PLEKHG1: variants seen among roughly 807,000 people sequenced by gnomAD.
PLEKHG1 encodes pleckstrin homology and RhoGEF domain containing G1, also known as pleckstrin homology domain-containing family G member 1.
A neutral mutation model predicts 100.8 loss-of-function variants in PLEKHG1; 44 were observed. The observed-to-expected ratio is 0.44, with a 90% CI of 0.34 to 0.56. PLEKHG1 has a LOEUF of 0.56. Ranked by LOEUF, PLEKHG1 falls within the 20% of genes least tolerant of loss-of-function variation. The pLI, the probability that PLEKHG1 is intolerant of heterozygous loss-of-function variation, is 0.01. For synonymous variants in PLEKHG1, 640 were observed against 662.5 expected, an observed-to-expected ratio of 0.97 and a Z score of 0.52; for missense variants, 1,545 against 1,720.9, an observed-to-expected ratio of 0.90 and a Z score of 1.81.
intron 3 of PLEKHG1, among the ~76,000 whole-genome samples, chr6:150,772,982 A>C (rs564302931): frequency 1.3e-5 from 2 of 152,180 alleles, no homozygotes; most frequent in Non-Finnish European, 2.9e-5. Context: ...TTTTAACTTT[A>C]ATTATGGTTT....
chr6:150,661,070 G>A (rs756389777), intron 3 of PLEKHG1, among the ~76,000 whole-genome samples: 76 of 152,140 alleles, frequency 5.0e-4, no homozygotes, highest in Admixed American at 2.5e-3. Flanking sequence ...TCCCTCAGCT[G>A]AGGAAAGGTT....
intron 1 of PLEKHG1, among the ~76,000 whole-genome samples, chr6:150,631,820 T>C (rs1474182802): frequency 6.6e-6 from 1 of 152,094 alleles, no homozygotes; most frequent in Non-Finnish European, 1.5e-5. Flanking sequence ...GGATGTGGGC[T>C]AGTGGAGGGC....
intron 3 of PLEKHG1, among the ~76,000 whole-genome samples, chr6:150,678,063 C>CAT (rs201616866): frequency 0.16 from 9,744 of 59,746 alleles, 1,003 homozygotes; most frequent in Non-Finnish European, 0.18. Context: ...TGTTTTGATG[C>CAT]ATATATATAT....
At chr6:150,801,126 C>T (rs1055009917) in intron 6 of PLEKHG1, among the ~76,000 whole-genome samples, 7 of 152,180 alleles carry the variant, frequency 4.6e-5, no homozygotes, top group Non-Finnish European at 8.8e-5. Context: ...TCGCCCTGTG[C>T]ACTGACAGTT....
At chr6:150,809,445 A>G (rs138892411) in exon 9 of PLEKHG1, 16 of 1,613,774 alleles carry the variant, frequency 9.9e-6, no homozygotes, top group African/African-American at 4.0e-5. Context: ...GTCTTCCACT[A>G]CAAGAATCCC....
intron 3 of PLEKHG1, among the ~76,000 whole-genome samples, chr6:150,675,534 T>A (rs1238805298): frequency 2.0e-5 from 3 of 152,242 alleles, no homozygotes; most frequent in African/African-American, 7.2e-5. Context: ...TTTATCCCCT[T>A]CCTAAGATAG....
In PLEKHG1 at chr6:150,831,936, T is replaced by A. The variant is rs1449196266; in HGVS notation, c.2825T>A (p.Leu942His). ...CTTTCTCTGGCTAGTGAAATGCCCC[T>A]CATGGACAATCCCTACGACCTGGCC... Residue 942 changes from leucine (L) to histidine (H), a missense_variant, in exon 15 of 16, where the codon CTC (leucine) becomes CAC (histidine). Leu to His is a moderately conservative substitution (Grantham distance 99, BLOSUM62 -3). Coordinates refer to ENST00000358517, the Ensembl canonical transcript of PLEKHG1. The surrounding 1 kb of genome is among the most constrained non-coding windows in gnomAD (Gnocchi z 4.1). The A allele has an allele frequency of 6.2e-7, 1 of 1,613,848 alleles. No individual in the cohort carries two copies. The highest frequency in any genetic ancestry group is 1.3e-5 in the African/African-American group (1 of 74,914).
At chr6:150,826,904 G>T (rs904562531) in intron 14 of PLEKHG1, among the ~76,000 whole-genome samples, 1 of 152,140 alleles carries the variant, frequency 6.6e-6, no homozygotes, top group Non-Finnish European at 1.5e-5. Flanking sequence ...CTCCCAAAGT[G>T]CTGGGATTAC....
chr6:150,788,913 G>A (rs1785800123), intron 4 of PLEKHG1, among the ~76,000 whole-genome samples: 1 of 152,122 alleles, frequency 6.6e-6, no homozygotes, highest in African/African-American at 2.4e-5. Context: ...GCATGCACAT[G>A]TACCACCCAC....
chr6:150,801,113 G>T (rs939176149), intron 6 of PLEKHG1, among the ~76,000 whole-genome samples: 12 of 152,216 alleles, frequency 7.9e-5, no homozygotes, highest in African/African-American at 2.2e-4. Context: ...GCTTAGGAGT[G>T]CCTCGCCCTG....
chr6:150,603,574 C>T (rs1776459831), intron 1 of PLEKHG1, among the ~76,000 whole-genome samples: 1 of 151,994 alleles, frequency 6.6e-6, no homozygotes, highest in Non-Finnish European at 1.5e-5. Context: ...TTCAGGTATG[C>T]CTGGGTGATT....
chr6:150,809,447 A>G, exon 9 of PLEKHG1: 1 of 1,613,878 alleles, frequency 6.2e-7, no homozygotes, highest in Non-Finnish European at 8.5e-7. Flanking sequence ...CTTCCACTAC[A>G]AGAATCCCAA....
exon 16 of PLEKHG1, chr6:150,839,957 T>G (rs780584095): frequency 1.2e-5 from 20 of 1,614,100 alleles, no homozygotes; most frequent in Non-Finnish European, 1.7e-5. Flanking sequence ...CTGTGTCACC[T>G]TCCCAGGTCC....
exon 16 of PLEKHG1, chr6:150,839,883 G>C (rs1469132366): frequency 1.2e-6 from 2 of 1,614,072 alleles, no homozygotes; most frequent in South Asian, 2.2e-5. Context: ...TGTATTCAGA[G>C]AGTCTCCCTT....
rs1293012802 is a variant in PLEKHG1 at position 150,831,654 on chromosome 6, A to C, written c.2543A>C (p.Lys848Thr). 1 of 1,613,436 alleles carries C rather than the reference A, an allele frequency of 6.2e-7. No homozygotes were observed. Among genetic ancestry groups the C allele is most frequent in the Non-Finnish European group, 8.5e-7 (1 of 1,180,048 alleles). Reference sequence around the variant, plus strand: ...AATGACCTGGAAAATTACATCAAGAAAAATGAAGACAAGGCCAGAGACCGT... The same window carrying C: ...AATGACCTGGAAAATTACATCAAGACAAATGAAGACAAGGCCAGAGACCGT... The change falls in exon 15 of 16, where the codon AAA becomes ACA. Residue 848 changes from lysine (K) to threonine (T), a missense_variant. Physicochemically the swap from Lys to Thr is moderately conservative, Grantham distance 78. Coordinates refer to ENST00000358517, the Ensembl canonical transcript of PLEKHG1. The surrounding 1 kb of genome is among the most constrained non-coding windows in gnomAD (Gnocchi z 4.1).
At chr6:150,665,349 T>C (rs566088533) in intron 3 of PLEKHG1, among the ~76,000 whole-genome samples, 2 of 152,224 alleles carry the variant, frequency 1.3e-5, no homozygotes, top group Admixed American at 6.5e-5. Context: ...TTTGATTTAA[T>C]AATGAATGTC....
intron 2 of PLEKHG1, among the ~76,000 whole-genome samples, chr6:150,760,245 C>T (rs1784080162): frequency 6.6e-6 from 1 of 152,144 alleles, no homozygotes; most frequent in Non-Finnish European, 1.5e-5. Flanking sequence ...ATTCCTCCAC[C>T]ACCTCACCAG....
At chr6:150,828,186 A>G in intron 14 of PLEKHG1, 1 of 1,613,896 alleles carries the variant, frequency 6.2e-7, no homozygotes, top group Non-Finnish European at 8.5e-7. Flanking sequence ...AGGAGATATC[A>G]AGGCTCAGTT....
chr6:150,721,270 C>A, intron 1 of PLEKHG1: 1 of 664,438 alleles, frequency 1.5e-6, no homozygotes, highest in Non-Finnish European at 1.9e-6. Flanking sequence ...TGGGAGCAGC[C>A]AGAGAGGTCC....
Sources: gnomAD v4.1 joint callset for allele counts (sites outside exome capture counted in the v4.1 genomes callset) on GRCh38, gnomAD v4.1.1 for gene constraint, Gnocchi (gnomAD v3.1) non-coding constraint, MANE v1.5 for transcripts, NCBI Gene and HGNC (gene_info 2026-07-23, HGNC 2026-07-21) for gene names.